MOK: variants seen among roughly 807,000 people sequenced by gnomAD.
The protein encoded by MOK is MAPK/MAK/MRK overlapping kinase.
Under a neutral mutation model 54.2 loss-of-function variants are expected in MOK, and 59 were observed. The observed-to-expected ratio is 1.09, with a 90% CI of 0.88 to 1.35. The LOEUF (loss-of-function observed/expected upper bound fraction) is 1.35. Among genes scored for constraint, MOK ranks in the 40% most tolerant of loss-of-function variants. The pLI, the probability that MOK is intolerant of heterozygous loss-of-function variation, is 0.00. For synonymous variants in MOK, 210 were observed against 202.7 expected, an observed-to-expected ratio of 1.04 and a Z score of -0.31; for missense variants, 517 against 526.2, an observed-to-expected ratio of 0.98 and a Z score of 0.17.
chr14:102,230,737 A>T lies in MOK; in HGVS notation c.981+970T>A, dbSNP rs2153081788. 1 of 153,248 alleles carries T rather than the reference A, an allele frequency of 6.5e-6. No homozygotes were observed. Among genetic ancestry groups the T allele is most frequent in the South Asian group, 2.1e-4 (1 of 4,838 alleles). 9.5% of individuals were successfully genotyped at this position (153,248 alleles called of 1,614,324 possible). On this transcript the variant is annotated intron_variant, in intron 10 of 11. Transcript: ENST00000361847. This position sits in a 1 kb window ranked among gnomAD's most constrained non-coding sequence, Gnocchi z 4.1. Reference sequence around the variant, plus strand: ...AGGTGAGGAGGATGTAGGAGGCAAGAAGGCGAAGCCCCTGTGGGATGAAGG... The same window carrying T: ...AGGTGAGGAGGATGTAGGAGGCAAGTAGGCGAAGCCCCTGTGGGATGAAGG...
intron 1 of MOK, among the ~76,000 whole-genome samples, chr14:102,292,795 G>A (rs1375377319): frequency 6.6e-6 from 1 of 151,964 alleles, no homozygotes; most frequent in African/African-American, 2.4e-5. Flanking sequence ...TATTATTTTA[G>A]TATTAAAACC....
At chr14:102,217,006 T>C in the MOK span, among the ~76,000 whole-genome samples, 2 of 152,214 alleles carry the variant, frequency 1.3e-5, no homozygotes, top group East Asian at 3.9e-4. Context: ...CAGGGGTCTC[T>C]GGAGACGAAT....
At chr14:102,301,143 A>G (rs1375834889) in intron 1 of MOK, among the ~76,000 whole-genome samples, 1 of 152,162 alleles carries the variant, frequency 6.6e-6, no homozygotes, top group East Asian at 1.9e-4. Flanking sequence ...TCCAGCCACC[A>G]TCTGAGTGCA....
At chr14:102,291,197 A>G (rs1021597245) in intron 1 of MOK, among the ~76,000 whole-genome samples, 5 of 152,196 alleles carry the variant, frequency 3.3e-5, no homozygotes, top group Non-Finnish European at 7.3e-5. Flanking sequence ...CTTGCTTGAC[A>G]ACTATAGCTT....
At chr14:102,296,707 C>G (rs1295340278) in intron 1 of MOK, among the ~76,000 whole-genome samples, 2 of 152,094 alleles carry the variant, frequency 1.3e-5, no homozygotes, top group Non-Finnish European at 2.9e-5. Context: ...ACCACCAGAT[C>G]CCAGGATTTT....
the MOK span, among the ~76,000 whole-genome samples, chr14:102,217,928 TGCCA>T: frequency 6.6e-6 from 1 of 152,216 alleles, no homozygotes; most frequent in South Asian, 2.1e-4. Flanking sequence ...CAGGAGCACC[TGCCA>T]CAGAGGCCAG....
In MOK at chr14:102,278,218, C is replaced by T. The variant is rs181791777; in HGVS notation, c.122+5260G>A. ...ATAAATGTCTGCTGTTTAAGCCAGA[C>T]AGAATACAGTATAATTTGTTATAGC... On this transcript the variant is annotated intron_variant, in intron 2 of 11. Transcript: ENST00000361847. Among the ~76,000 whole-genome samples, 8 of 152,166 alleles carry T rather than the reference C, an allele frequency of 5.3e-5. No homozygotes were observed. The East Asian group carries it at 1.5e-3, about 29-fold the overall frequency.
chr14:102,247,538 G>C (rs1470109252), intron 7 of MOK: 2 of 152,178 alleles, frequency 1.3e-5, no homozygotes, highest in African/African-American at 4.8e-5. Flanking sequence ...ACTACAGGAG[G>C]TGGAACTGAG....
the MOK span, among the ~76,000 whole-genome samples, chr14:102,218,688 A>G: frequency 6.8e-4 from 103 of 152,048 alleles, no homozygotes; most frequent in African/African-American, 2.4e-3. Flanking sequence ...AGCGGGAATA[A>G]AACAGTGACT....
At chr14:102,295,417 C>T (rs953331420) in intron 1 of MOK, among the ~76,000 whole-genome samples, 1 of 152,136 alleles carries the variant, frequency 6.6e-6, no homozygotes, top group Non-Finnish European at 1.5e-5. Flanking sequence ...AAACTTGTCA[C>T]GTTCAAGTCC....
intron 1 of MOK, among the ~76,000 whole-genome samples, chr14:102,285,982 T>A (rs1162904515): frequency 6.6e-6 from 1 of 152,108 alleles, no homozygotes; most frequent in Non-Finnish European, 1.5e-5. Context: ...GAGGGCAATT[T>A]GGCAGCAGCT....
Position 102,283,461 on chromosome 14 carries a change from G to T in MOK, c.122+17C>A. ...CTTGGATCTGTGTTTGGTCCCAAGT[G>T]CATCTCTGTAGCCTACCTTTCAAAG... On this transcript the variant is annotated intron_variant, in intron 2 of 11. Transcript: ENST00000361847. 6.4e-7 allele frequency: 1 copy of T among 1,552,104 alleles called. No individual in the cohort carries two copies. Among genetic ancestry groups the T allele is most frequent in the Non-Finnish European group, 8.8e-7 (1 of 1,133,152 alleles).
chr14:102,221,303 G>A (rs1194635913), downstream of MOK, among the ~76,000 whole-genome samples: 3 of 152,350 alleles, frequency 2.0e-5, no homozygotes, highest in East Asian at 1.9e-4. This position sits in a 1 kb window ranked among gnomAD's most constrained non-coding sequence, Gnocchi z 4.8. Flanking sequence ...GAAGGGAGGT[G>A]CCTCCTGGTT....
In MOK at chr14:102,265,812, A is replaced by G. The variant is rs372741164; in HGVS notation, c.212+11T>C. 18 of 1,606,288 alleles carry G rather than the reference A, an allele frequency of 1.1e-5. No individual in the cohort carries two copies. In the African/African-American group the frequency reaches 1.7e-4, roughly 16 times the overall value. The stretch of plus-strand genomic sequence containing the variant: ...AATTTAGATAACTTTTCAAGCTCCA[A>G]ATATACTTACAAAACCACTTCATGC... On this transcript the variant is annotated intron_variant, in intron 3 of 11. Transcript: ENST00000361847.
At chr14:102,270,225 T>G (rs778676271) in intron 2 of MOK, among the ~76,000 whole-genome samples, 11 of 152,102 alleles carry the variant, frequency 7.2e-5, no homozygotes, top group Non-Finnish European at 1.3e-4. Context: ...ATATAGAAAT[T>G]TATGAGATGC....
At chr14:102,273,050 G>A (rs140147306) in intron 2 of MOK, among the ~76,000 whole-genome samples, 8,057 of 151,998 alleles carry the variant, frequency 0.053, 278 homozygotes, top group African/African-American at 0.099. Flanking sequence ...GGTGCCTGTA[G>A]TCCCAGCTAC....
At chr14:102,259,246 A>C (rs1247126031) in intron 4 of MOK, among the ~76,000 whole-genome samples, 1 of 152,192 alleles carries the variant, frequency 6.6e-6, no homozygotes, top group Non-Finnish European at 1.5e-5. Flanking sequence ...AGTCTTTAAT[A>C]GTGCTCCTCA....
At position 102,235,141 on chromosome 14, in the gene MOK, G is replaced by C. The variant is rs774508519; in HGVS notation, c.591-1352C>G. On this transcript the variant is annotated intron_variant, in intron 7 of 11. Coordinates refer to ENST00000361847, the MANE Select transcript of MOK (RefSeq NM_014226.3). The surrounding 1 kb of genome is among the most constrained non-coding windows in gnomAD (Gnocchi z 4.4). ...CCAACCACCCCACCTCCGACTCTGAGTCCTCCCCATCTCCACCCCTTACTC... is the reference window on the plus strand; with the variant it reads ...CCAACCACCCCACCTCCGACTCTGACTCCTCCCCATCTCCACCCCTTACTC... 1 of 151,788 alleles carries C rather than the reference G, an allele frequency of 6.6e-6. No individual in the cohort carries two copies. The highest frequency in any genetic ancestry group is 1.5e-5 in the Non-Finnish European group (1 of 67,968). 9.4% of individuals were successfully genotyped at this position (151,788 alleles called of 1,614,324 possible).
chr14:102,295,473 G>T (rs1019201905), intron 1 of MOK, among the ~76,000 whole-genome samples: 2 of 152,172 alleles, frequency 1.3e-5, no homozygotes, highest in Admixed American at 1.3e-4. Flanking sequence ...TAATCAGGGT[G>T]GGTGACAGGC....
Sources: allele counts gnomAD v4.1 joint callset (sites outside exome capture counted in the v4.1 genomes callset), GRCh38; gene constraint gnomAD v4.1.1; non-coding constraint Gnocchi (gnomAD v3.1); transcripts MANE v1.5; gene names NCBI Gene and HGNC (gene_info 2026-07-23, HGNC 2026-07-21).